The following KIF21A variants were observed in gnomAD, a reference collection of about 807,000 sequenced individuals.
The protein encoded by KIF21A is kinesin family member 21A.
In KIF21A, 114 loss-of-function variants were observed where a neutral mutation model predicts 202.9. The ratio of observed to expected loss-of-function variants is 0.56; its 90% CI spans 0.48 to 0.66. KIF21A has a LOEUF of 0.66. KIF21A is among the 30% of genes least tolerant of loss of function. KIF21A has a pLI of 0.00. For synonymous variants in KIF21A, 667 were observed against 670.8 expected, an observed-to-expected ratio of 0.99 and a Z score of 0.09; for missense variants, 1,677 against 1,994.9, an observed-to-expected ratio of 0.84 and a Z score of 3.04.
intron 3 of KIF21A, 81 bp from the exon 4 acceptor site, chr12:39,368,113 C>T (rs2139135436): frequency 1.2e-6 from 1 of 837,056 alleles, no homozygotes; most frequent in East Asian, 2.4e-5. Flanking sequence ...ATAATGATTC[C>T]TTCATACAGA....
At position 39,442,876 on chromosome 12, in the gene KIF21A, C is replaced by A; in HGVS notation, c.44+51G>T. 6.6e-7 allele frequency: 1 copy of A among 1,520,772 alleles called. No individual in the cohort carries two copies. The highest frequency in any genetic ancestry group is 1.2e-5 in the South Asian group (1 of 82,938). 94.2% of individuals were successfully genotyped at this position (1,520,772 alleles called of 1,614,324 possible). A position where few individuals can be genotyped will look rare whatever the true frequency, so the allele number is the denominator to read the frequency against. The stretch of plus-strand genomic sequence containing the variant: ...GCTCCGCGCCACAGCCAGGTCCTTG[C>A]CGCGCCCTCAACCCGCCGCCCGCCG... On this transcript the variant is annotated intron_variant, in intron 1 of 37. Transcript: ENST00000361418. The surrounding 1 kb of genome is among the most constrained non-coding windows in gnomAD (Gnocchi z 5.0).
chr12:39,374,629 T>C (rs1484467057), intron 1 of KIF21A, among the ~76,000 whole-genome samples: 1 of 152,156 alleles, frequency 6.6e-6, no homozygotes, highest in East Asian at 1.9e-4. Flanking sequence ...CCAGAAGTGT[T>C]TACTGACTTA....
At chr12:39,310,863 G>A (rs567805377) in intron 32 of KIF21A, among the ~76,000 whole-genome samples, 2 of 152,162 alleles carry the variant, frequency 1.3e-5, no homozygotes, top group South Asian at 4.1e-4. Flanking sequence ...GATTGAAGAA[G>A]GGTATACCTA....
At chr12:39,314,540 G>A (rs1944328874) in intron 31 of KIF21A, among the ~76,000 whole-genome samples, 1 of 151,816 alleles carries the variant, frequency 6.6e-6, no homozygotes, top group African/African-American at 2.4e-5. Context: ...TCAAAAAGCT[G>A]ATTGTAAGAA....
At chr12:39,409,806 T>C (rs1339119568) in intron 1 of KIF21A, among the ~76,000 whole-genome samples, 1 of 151,410 alleles carries the variant, frequency 6.6e-6, no homozygotes, top group Admixed American at 6.6e-5. Flanking sequence ...AACGTGAATC[T>C]GGAAATAGAG....
Position 39,330,825 on chromosome 12 carries a change from G to T in KIF21A, c.3240C>A (p.Asn1080Lys), listed in dbSNP as rs1457631420. 6.2e-7 allele frequency: 1 copy of T among 1,613,948 alleles called. No homozygotes were observed. Among genetic ancestry groups the T allele is most frequent in the Admixed American group, 1.7e-5 (1 of 60,018 alleles). Residue 1080 changes from asparagine to lysine, a missense_variant, in exon 23 of 38, where the codon AAC becomes AAA. Asn to Lys is a moderately conservative substitution (Grantham distance 94). Transcript: ENST00000361418. ...KQTEITSATQNQLLFHMLKEK... is the reference protein window; with the variant it reads ...KQTEITSATQKQLLFHMLKEK... ...CTTTCAACATATGGAATAAGAGCTGGTTTTGGGTAGCACTGGTTATTTCTG... is the reference window on the plus strand; with the variant it reads ...CTTTCAACATATGGAATAAGAGCTGTTTTTGGGTAGCACTGGTTATTTCTG...
At chr12:39,397,089 G>C (rs369335269) in intron 1 of KIF21A, among the ~76,000 whole-genome samples, 15 of 152,148 alleles carry the variant, frequency 9.9e-5, no homozygotes, top group African/African-American at 3.6e-4. Flanking sequence ...TTCTTGACAA[G>C]TGTTTTAAAA....
At chr12:39,363,649 T>G (rs1198998929) in intron 6 of KIF21A, among the ~76,000 whole-genome samples, 1 of 152,198 alleles carries the variant, frequency 6.6e-6, no homozygotes, top group Non-Finnish European at 1.5e-5. Context: ...AAAACCTTCT[T>G]TAATCACAAC....
intron 17 of KIF21A, among the ~76,000 whole-genome samples, chr12:39,333,539 G>A (rs1332949914): frequency 6.6e-6 from 1 of 152,072 alleles, no homozygotes; most frequent in African/African-American, 2.4e-5. Flanking sequence ...TACATTTGGT[G>A]CTTACTATGT....
intron 26 of KIF21A, among the ~76,000 whole-genome samples, chr12:39,323,598 A>C (rs948484167): frequency 6.6e-6 from 1 of 152,004 alleles, no homozygotes; most frequent in African/African-American, 2.4e-5. Flanking sequence ...TCCTTTCCTT[A>C]CTCTTGACAA....
intron 1 of KIF21A, among the ~76,000 whole-genome samples, chr12:39,436,448 A>ATATATATATATATATATAT (rs1387332677): frequency 1.4e-4 from 13 of 95,756 alleles, no homozygotes; most frequent in African/African-American, 5.1e-4. Flanking sequence ...ATATATATAT[A>ATATATATATATATATATAT]TTTTTTTTTT....
chr12:39,332,473 A>ATGGCC, intron 20 of KIF21A, 65 bp from the exon 21 acceptor site: 1 of 787,550 alleles, frequency 1.3e-6, no homozygotes, highest in Non-Finnish European at 2.0e-6. Context: ...GTACCATCAA[A>ATGGCC]CCCCCCCACC....
chr12:39,363,966 T>C (rs1949429171), intron 6 of KIF21A, among the ~76,000 whole-genome samples: 1 of 152,160 alleles, frequency 6.6e-6, no homozygotes, highest in Non-Finnish European at 1.5e-5. Context: ...TGCAGTGAGC[T>C]GGGATTGCAC....
At chr12:39,417,349 T>G (rs1953848245) in intron 1 of KIF21A, among the ~76,000 whole-genome samples, 1 of 152,146 alleles carries the variant, frequency 6.6e-6, no homozygotes, top group African/African-American at 2.4e-5. Flanking sequence ...AGATACAATT[T>G]TGTTCAGTCA....
intron 26 of KIF21A, 46 bp downstream of exon 26, chr12:39,325,793 A>G: frequency 1.5e-6 from 2 of 1,327,884 alleles, no homozygotes; most frequent in Admixed American, 1.7e-5. Flanking sequence ...GTGATAACAA[A>G]TAATGGTGTA....
At chr12:39,364,674 T>C (rs1203495784) in intron 6 of KIF21A, among the ~76,000 whole-genome samples, 1 of 152,176 alleles carries the variant, frequency 6.6e-6, no homozygotes, top group Non-Finnish European at 1.5e-5. Flanking sequence ...AAAATTCATA[T>C]CAGTGAGACA....
intron 10 of KIF21A, among the ~76,000 whole-genome samples, chr12:39,354,502 A>G (rs1948624086): frequency 6.6e-6 from 1 of 152,152 alleles, no homozygotes; most frequent in Non-Finnish European, 1.5e-5. Flanking sequence ...AAAATTTTTC[A>G]TGCCCCAAAA....
intron 6 of KIF21A, among the ~76,000 whole-genome samples, chr12:39,365,189 T>C (rs763273207): frequency 3.3e-5 from 5 of 152,302 alleles, no homozygotes; most frequent in Admixed American, 6.5e-5. Context: ...AAATTATACT[T>C]TAAAAACTGC....
Position 39,367,135 on chromosome 12 carries a change from T to C in KIF21A, c.630A>G (p.Leu210=). The C allele has an allele frequency of 6.2e-7, 1 of 1,613,932 alleles. No individual in the cohort carries two copies. Among genetic ancestry groups the C allele is most frequent in the Non-Finnish European group, 8.5e-7 (1 of 1,179,904 alleles). The change falls in exon 5 of 38, where the codon TTA becomes TTG. Residue 210 remains leucine, a synonymous_variant. Transcript: ENST00000361418. ...EMMQCLKLGA[L]SRTTASTQMN... ...TCTGGGTACTGGCAGTTGTCCGGGA[T>C]AAAGCACCCAACTTCAAACACTGCA...
Sources: allele counts gnomAD v4.1 joint callset (sites outside exome capture counted in the v4.1 genomes callset), GRCh38; gene constraint gnomAD v4.1.1; non-coding constraint Gnocchi (gnomAD v3.1); transcripts MANE v1.5; gene names NCBI Gene and HGNC (gene_info 2026-07-23, HGNC 2026-07-21).